The following AKT3 variants were observed in gnomAD, a reference collection of about 807,000 sequenced individuals.
AKT3 encodes RAC-gamma serine/threonine-protein kinase.
In AKT3, 15 loss-of-function variants were observed where a neutral mutation model predicts 65.3. That is an observed-to-expected ratio of 0.23 (90% CI 0.15 to 0.35). The LOEUF is 0.35. Ranked by LOEUF, AKT3 falls within the 10% of genes least tolerant of loss-of-function variation. AKT3 has a pLI of 1.00. For missense variants in AKT3, 243 were observed against 576.5 expected (o/e 0.42, Z 5.92); for synonymous variants, 206 against 183.8 (o/e 1.12, Z -0.98).
chr1:243,509,020 C>T (rs949532533), intron 13 of AKT3, among the ~76,000 whole-genome samples: 1 of 152,072 alleles, frequency 6.6e-6, no homozygotes, highest in Non-Finnish European at 1.5e-5. Context: ...TTTTGATAAC[C>T]ATCTTGAAAG....
At chr1:243,591,153 G>A (rs1042172436) in intron 8 of AKT3, among the ~76,000 whole-genome samples, 1 of 152,136 alleles carries the variant, frequency 6.6e-6, no homozygotes, top group Non-Finnish European at 1.5e-5. Context: ...GGATTGCCTC[G>A]GAGTCTCATT....
intron 2 of AKT3, among the ~76,000 whole-genome samples, chr1:243,822,292 A>G (rs1176338425): frequency 6.6e-6 from 1 of 152,190 alleles, no homozygotes; most frequent in Admixed American, 6.5e-5. Flanking sequence ...TAAGAGGGAA[A>G]TTTATAGCAC....
At chr1:243,800,169 G>T (rs1692293831) in intron 2 of AKT3, among the ~76,000 whole-genome samples, 1 of 152,240 alleles carries the variant, frequency 6.6e-6, no homozygotes, top group South Asian at 2.1e-4. Context: ...AGGACCAAAT[G>T]TGCTTGTGTT....
At chr1:243,795,304 G>C (rs1353794500) in intron 2 of AKT3, among the ~76,000 whole-genome samples, 1 of 152,006 alleles carries the variant, frequency 6.6e-6, no homozygotes, top group Non-Finnish European at 1.5e-5. Context: ...TCAGCAGAAA[G>C]CCTATCAGTA....
At chr1:243,515,262 C>G (rs771883738) in intron 12 of AKT3, among the ~76,000 whole-genome samples, 3 of 152,136 alleles carry the variant, frequency 2.0e-5, no homozygotes, top group Non-Finnish European at 4.4e-5. Context: ...TTTATGTCCA[C>G]GTCTTTGTGT....
intron 3 of AKT3, among the ~76,000 whole-genome samples, chr1:243,684,963 T>C (rs184622455): frequency 6.6e-6 from 1 of 152,178 alleles, no homozygotes; most frequent in Admixed American, 6.5e-5. Context: ...TTCTTTTGCA[T>C]AGTGTTTGTT....
intron 2 of AKT3, among the ~76,000 whole-genome samples, chr1:243,700,439 A>G (rs141986844): frequency 1.3e-3 from 203 of 152,246 alleles, no homozygotes; most frequent in Middle Eastern, 0.01. Context: ...TTTTGACCAT[A>G]GAAAACATCC....
At chr1:243,777,032 G>C (rs1443034194) in intron 2 of AKT3, among the ~76,000 whole-genome samples, 2 of 152,122 alleles carry the variant, frequency 1.3e-5, no homozygotes, top group Non-Finnish European at 2.9e-5. Flanking sequence ...GTAAAACAAG[G>C]GTTTCCAGGA....
rs1323370745 is a variant in AKT3, at chr1:243,505,111, C to A, written c.*138G>T. 1.0e-5 allele frequency: 7 copies of A among 680,356 alleles called. No homozygotes were observed. Among genetic ancestry groups the A allele is most frequent in the Non-Finnish European group, 1.8e-5 (7 of 399,146 alleles). 42.1% of individuals were successfully genotyped at this position (680,356 alleles called of 1,614,324 possible). ...GTGTTTTCATGAGGGTGAAAGGTGG[C>A]GAGGGGTGAGGACCCTTGGCTGGTC... On this transcript the variant is annotated 3_prime_UTR_variant, in exon 14 of 14. Transcript: ENST00000673466.
intron 2 of AKT3, among the ~76,000 whole-genome samples, chr1:243,828,984 T>C (rs1468253034): frequency 2.0e-5 from 3 of 152,220 alleles, no homozygotes; most frequent in Non-Finnish European, 4.4e-5. Context: ...TACGGTATCA[T>C]TTATGTAATG....
chr1:243,724,245 GAA>G (rs74849601), intron 2 of AKT3, among the ~76,000 whole-genome samples: 6 of 126,448 alleles, frequency 4.7e-5, no homozygotes, highest in Non-Finnish European at 3.4e-5. Flanking sequence ...AAATTGAGGG[GAA>G]AAAAAAAAAA....
rs1553434702 is a variant in AKT3, at chr1:243,693,296, CATT to C, written c.172+2292_172+2294del. On this transcript the variant is annotated intron_variant, in intron 3 of 13. Transcript: ENST00000673466. ...TATATATATATATATATATATATAA[CATT>C]TCCCAACATACCTTAGAAATACCTT... 1.4e-4 allele frequency among the ~76,000 whole-genome samples: 9 copies of C among 65,048 alleles called. No individual in the cohort carries two copies. In the South Asian group the frequency reaches 2.5e-3, roughly 18 times the overall value. 42.7% of individuals were successfully genotyped at this position (65,048 alleles called of 152,430 possible).
rs1293837949 is a variant in AKT3 at position 243,580,873 on chromosome 1, C to T, written c.697-7825G>A. Among the ~76,000 whole-genome samples, 5 of 152,150 alleles carry T rather than the reference C, an allele frequency of 3.3e-5. No homozygotes were observed. The South Asian group carries it at 8.3e-4, about 25-fold the overall frequency. ...GCCACCGCACTCCTCCTGGACATAA[C>T]GTTATGGTGAAGCAGAGCTCTCTCT... On this transcript the variant is annotated intron_variant, in intron 8 of 13. Coordinates refer to ENST00000673466, the MANE Select transcript of AKT3 (RefSeq NM_005465.7).
At position 243,723,372 on chromosome 1, in the gene AKT3, G is replaced by A. The variant is rs538020467; in HGVS notation, c.47-27656C>T. On this transcript the variant is annotated intron_variant, in intron 2 of 13. Transcript: ENST00000673466. ...TTTTTCTATATGTCCTAGTAGAGGT[G>A]AATATAGAATTTATCACTTTGAAGC... Among the ~76,000 whole-genome samples, 57 of 152,294 alleles carry A rather than the reference G, an allele frequency of 3.7e-4. 1 individual carries two copies. The highest frequency in any genetic ancestry group is 1.4e-3 in the African/African-American group (57 of 41,558).
intron 2 of AKT3, among the ~76,000 whole-genome samples, chr1:243,731,800 AC>A (rs1187730959): frequency 6.6e-6 from 1 of 152,166 alleles, no homozygotes; most frequent in Non-Finnish European, 1.5e-5. Flanking sequence ...TACTTCACTA[AC>A]CCTCAGAATC....
At chr1:243,545,266 AATT>A (rs1406056115) in intron 12 of AKT3, among the ~76,000 whole-genome samples, 1 of 152,162 alleles carries the variant, frequency 6.6e-6, no homozygotes, top group Non-Finnish European at 1.5e-5. Flanking sequence ...GAGGCAAACA[AATT>A]ATTATGGGAA....
At chr1:243,780,904 T>TA (rs555960616) in intron 2 of AKT3, among the ~76,000 whole-genome samples, 2 of 151,920 alleles carry the variant, frequency 1.3e-5, no homozygotes, top group East Asian at 1.9e-4. Context: ...TACTACTGTT[T>TA]AAAAAAATAA....
At chr1:243,698,554 A>G (rs1023160718) in intron 2 of AKT3, among the ~76,000 whole-genome samples, 2 of 152,068 alleles carry the variant, frequency 1.3e-5, no homozygotes, top group African/African-American at 4.8e-5. Flanking sequence ...AATATTTTCT[A>G]TGATCTATAG....
intron 2 of AKT3, among the ~76,000 whole-genome samples, chr1:243,727,492 G>A (rs1687284948): frequency 6.6e-6 from 1 of 151,994 alleles, no homozygotes; most frequent in African/African-American, 2.4e-5. Context: ...TGTTGCCCAG[G>A]AAGGTCTAGA....
Sources: allele counts gnomAD v4.1 joint callset (sites outside exome capture counted in the v4.1 genomes callset), GRCh38; gene constraint gnomAD v4.1.1; transcripts MANE v1.5; gene names NCBI Gene and HGNC (gene_info 2026-07-23, HGNC 2026-07-21).